Variants in SEPTIN9 observed in about 807,000 individuals in gnomAD.
SEPTIN9 encodes septin-9.
In SEPTIN9, 13 loss-of-function variants were observed where a neutral mutation model predicts 56.6. The ratio of observed to expected loss-of-function variants is 0.23; its 90% CI spans 0.15 to 0.37. The LOEUF (loss-of-function observed/expected upper bound fraction) is 0.37. Among genes scored for constraint, SEPTIN9 ranks in the 10% least tolerant of loss-of-function variants. The pLI is 1.00. For synonymous variants in SEPTIN9, 332 were observed against 334.1 expected (o/e 0.99, Z 0.07); for missense variants, 650 against 823.1 (o/e 0.79, Z 2.57).
At chr17:77,361,832 C>T (rs2034428183) in intron 2 of SEPTIN9, among the ~76,000 whole-genome samples, 1 of 151,934 alleles carries the variant, frequency 6.6e-6, no homozygotes, top group South Asian at 2.1e-4. Flanking sequence ...CAGGGTTTCA[C>T]CGTGTTAGCC....
rs534038644 is a variant in SEPTIN9, at chr17:77,389,170, T to C, written c.77-12889T>C. 1.4e-4 allele frequency among the ~76,000 whole-genome samples: 21 copies of C among 152,200 alleles called. No homozygotes were observed. In the East Asian group the frequency reaches 3.7e-3, roughly 27 times the overall value. ...GCTCCTCGCAGGGAGCTGGGATGCATTTCTAAGAGCAGCATGCGTGAAGCC... is the reference window on the plus strand; with the variant it reads ...GCTCCTCGCAGGGAGCTGGGATGCACTTCTAAGAGCAGCATGCGTGAAGCC... On this transcript the variant is annotated intron_variant, in intron 2 of 11. Coordinates refer to ENST00000427177, the MANE Select transcript of SEPTIN9 (RefSeq NM_001113491.2). The surrounding 1 kb of genome is among the most constrained non-coding windows in gnomAD (Gnocchi z 4.3).
intron 2 of SEPTIN9, among the ~76,000 whole-genome samples, chr17:77,372,544 C>A (rs567568724): frequency 6.6e-6 from 1 of 152,230 alleles, no homozygotes; most frequent in Non-Finnish European, 1.5e-5. Flanking sequence ...CCTTCGGAAA[C>A]GTCTGCTCCT....
intron 3 of SEPTIN9, among the ~76,000 whole-genome samples, chr17:77,443,744 G>A (rs1696303656): frequency 6.6e-6 from 1 of 152,016 alleles, no homozygotes; most frequent in African/African-American, 2.4e-5. Context: ...GTTGCAGTGA[G>A]CTGAGATCGC....
At chr17:77,285,738 G>A (rs903027819) in intron 1 of SEPTIN9, among the ~76,000 whole-genome samples, 1 of 152,210 alleles carries the variant, frequency 6.6e-6, no homozygotes, top group Non-Finnish European at 1.5e-5. Context: ...GATTCCTGAA[G>A]GGGCACCAGC....
At chr17:77,419,359 C>CAGT (rs1227516466) in intron 3 of SEPTIN9, among the ~76,000 whole-genome samples, 1 of 151,474 alleles carries the variant, frequency 6.6e-6, no homozygotes, top group Non-Finnish European at 1.5e-5. Context: ...CCGTGGTCAG[C>CAGT]AGCAGCCGCC....
In SEPTIN9 at chr17:77,409,961, T is replaced by C. The variant is rs542678319; in HGVS notation, c.721+7258T>C. ...GTCCACCCTGACACACTGTCTCACC[T>C]GTGACCTCATTTCTGAGAGCTGCAG... On this transcript the variant is annotated intron_variant, in intron 3 of 11. Transcript: ENST00000427177. Among the ~76,000 whole-genome samples, 45 of 152,316 alleles carry C rather than the reference T, an allele frequency of 3.0e-4. No individual in the cohort carries two copies. In the East Asian group the frequency reaches 7.5e-3, roughly 25 times the overall value.
intron 3 of SEPTIN9, among the ~76,000 whole-genome samples, chr17:77,417,845 G>A (rs537831683): frequency 1.3e-5 from 2 of 152,196 alleles, no homozygotes; most frequent in African/African-American, 4.8e-5. Flanking sequence ...CGGAGGGGGG[G>A]TTCCAGGAAC....
intron 2 of SEPTIN9, among the ~76,000 whole-genome samples, chr17:77,393,529 C>G (rs1157042336): frequency 6.6e-6 from 1 of 152,182 alleles, no homozygotes; most frequent in East Asian, 1.9e-4. Context: ...GTAATTACAC[C>G]AGCAACAGTC....
At chr17:77,331,167 C>CTG (rs1194973440) in intron 2 of SEPTIN9, among the ~76,000 whole-genome samples, 1 of 152,160 alleles carries the variant, frequency 6.6e-6, no homozygotes, top group Admixed American at 6.5e-5. Context: ...CCAGGCTGGG[C>CTG]AACATAGCAA....
chr17:77,480,108 G>A (rs1281517394), intron 3 of SEPTIN9, among the ~76,000 whole-genome samples: 3 of 152,178 alleles, frequency 2.0e-5, no homozygotes, highest in Non-Finnish European at 4.4e-5. Flanking sequence ...AGGAGCCCTG[G>A]CCTCCAGGTC....
At chr17:77,483,056 G>C (rs111653760) in intron 4 of SEPTIN9, 21 of 161,726 alleles carry the variant, frequency 1.3e-4, no homozygotes, top group African/African-American at 4.6e-4. Flanking sequence ...TCCCAGAACT[G>C]TGTTCTGCCC....
chr17:77,408,760 T>C (rs73373386), intron 3 of SEPTIN9, among the ~76,000 whole-genome samples: 11,053 of 151,734 alleles, frequency 0.073, 1,233 homozygotes, highest in African/African-American at 0.23. Flanking sequence ...ACTGTGAAGT[T>C]GGGGAGAGGG....
intron 2 of SEPTIN9, among the ~76,000 whole-genome samples, chr17:77,336,927 A>G (rs1378020171): frequency 1.3e-5 from 2 of 151,004 alleles, no homozygotes; most frequent in Non-Finnish European, 2.9e-5. Flanking sequence ...TTCTGCATCT[A>G]TGGAAATGAT....
chr17:77,370,705 C>G (rs2034693766), intron 2 of SEPTIN9, among the ~76,000 whole-genome samples: 2 of 152,244 alleles, frequency 1.3e-5, no homozygotes, highest in South Asian at 4.1e-4. Flanking sequence ...TTCCTCTCTG[C>G]TGCCGGCGTG....
At chr17:77,355,250 C>T (rs2034191432) in intron 2 of SEPTIN9, among the ~76,000 whole-genome samples, 1 of 152,202 alleles carries the variant, frequency 6.6e-6, no homozygotes, top group Admixed American at 6.6e-5. Flanking sequence ...CAGTGACTCT[C>T]TCCATCCCAC....
rs572567866 is a variant in SEPTIN9 at position 77,402,857 on chromosome 17, G to A, written c.721+154G>A. Among the ~76,000 whole-genome samples, 32 of 152,330 alleles carry A rather than the reference G, an allele frequency of 2.1e-4. No individual in the cohort carries two copies. Among genetic ancestry groups the A allele is most frequent in the Admixed American group, 1.2e-3 (18 of 15,306 alleles). ...CCGGAATGCATGGGGGTGGGGGTCT[G>A]CAAGCTCAGGAGAGGTGGCTCTCTC... is the stretch of plus-strand genomic sequence containing the variant. On this transcript the variant is annotated intron_variant, in intron 3 of 11. Transcript: ENST00000427177. This position sits in a 1 kb window ranked among gnomAD's most constrained non-coding sequence, Gnocchi z 6.6.
At chr17:77,423,998 T>C (rs2036804640) in intron 3 of SEPTIN9, among the ~76,000 whole-genome samples, 1 of 152,216 alleles carries the variant, frequency 6.6e-6, no homozygotes, top group Non-Finnish European at 1.5e-5. Context: ...TTGGCTCACT[T>C]TCTGCTGCTT....
At chr17:77,388,324 C>T (rs907545939) in intron 2 of SEPTIN9, among the ~76,000 whole-genome samples, 2 of 152,168 alleles carry the variant, frequency 1.3e-5, no homozygotes, top group Admixed American at 6.5e-5. Context: ...CTGGTTACCC[C>T]TTCTGGAATC....
intron 2 of SEPTIN9, among the ~76,000 whole-genome samples, chr17:77,372,731 G>A (rs989344363): frequency 4.6e-5 from 7 of 151,830 alleles, no homozygotes; most frequent in African/African-American, 1.5e-4. Context: ...GGCGGTGGTC[G>A]TGGTGGGGGT....
Sources: gnomAD v4.1 joint callset for allele counts (sites outside exome capture counted in the v4.1 genomes callset) on GRCh38, gnomAD v4.1.1 for gene constraint, Gnocchi (gnomAD v3.1) non-coding constraint, MANE v1.5 for transcripts, NCBI Gene and HGNC (gene_info 2026-07-23, HGNC 2026-07-21) for gene names.